ASIC2: variants seen among roughly 807,000 people sequenced by gnomAD.
ASIC2 encodes acid sensing ion channel subunit 2.
Under a neutral mutation model 57.3 loss-of-function variants are expected in ASIC2, and 25 were observed. The observed-to-expected ratio is 0.44, with a 90% CI of 0.32 to 0.61. The LOEUF is 0.61. ASIC2 is among the 20% of genes least tolerant of loss of function. The pLI is 0.06. For missense variants in ASIC2, 641 were observed against 738.1 expected (o/e 0.87, Z 1.52); for synonymous variants, 319 against 307.5 (o/e 1.04, Z -0.39).
At chr17:33,246,605 G>A (rs1908697965) in intron 1 of ASIC2, among the ~76,000 whole-genome samples, 3 of 152,314 alleles carry the variant, frequency 2.0e-5, no homozygotes, top group South Asian at 2.1e-4. Context: ...CTGCTCAGGA[G>A]GAAATAAGGA....
At chr17:33,376,019 G>A (rs1416282992) in intron 1 of ASIC2, among the ~76,000 whole-genome samples, 5 of 152,186 alleles carry the variant, frequency 3.3e-5, no homozygotes, top group South Asian at 2.1e-4. Flanking sequence ...AAGTTTATGA[G>A]TGTGGAGCTT....
intron 1 of ASIC2, among the ~76,000 whole-genome samples, chr17:33,763,941 G>A (rs1015434137): frequency 3.3e-5 from 5 of 152,160 alleles, no homozygotes; most frequent in Admixed American, 1.3e-4. Context: ...GATTTCCCCT[G>A]CATCAACTCC....
chr17:34,045,556 C>T (rs540973778), intron 1 of ASIC2, among the ~76,000 whole-genome samples: 1 of 152,246 alleles, frequency 6.6e-6, no homozygotes, highest in Admixed American at 6.5e-5. Flanking sequence ...AGGCTGCATC[C>T]CCACTGCTAC....
intron 1 of ASIC2, among the ~76,000 whole-genome samples, chr17:33,436,897 G>A (rs1911640103): frequency 2.7e-5 from 3 of 111,738 alleles, no homozygotes; most frequent in South Asian, 3.2e-4. Flanking sequence ...ACGGAGTCTC[G>A]CTCTGTCGCC....
chr17:33,283,793 G>A (rs771084762), intron 1 of ASIC2, among the ~76,000 whole-genome samples: 2 of 152,136 alleles, frequency 1.3e-5, no homozygotes, highest in Non-Finnish European at 2.9e-5. Flanking sequence ...AGATAGCAAC[G>A]TACATTATCA....
intron 1 of ASIC2, among the ~76,000 whole-genome samples, chr17:34,047,493 G>T (rs1908380420): frequency 9.7e-6 from 1 of 102,684 alleles, no homozygotes; most frequent in African/African-American, 3.9e-5. Flanking sequence ...TTAACATGAT[G>T]TACACCTTTC....
intron 1 of ASIC2, among the ~76,000 whole-genome samples, chr17:33,898,130 T>A (rs1483478493): frequency 6.6e-6 from 1 of 151,898 alleles, no homozygotes; most frequent in African/African-American, 2.4e-5. Flanking sequence ...GCTCTGCCCA[T>A]ATTTCTTTCT....
intron 1 of ASIC2, among the ~76,000 whole-genome samples, chr17:33,997,395 CG>C (rs1402517505): frequency 1.4e-5 from 2 of 143,756 alleles, no homozygotes; most frequent in Admixed American, 7.4e-5. Context: ...CTCAAGCGAT[CG>C]GCCAGCCTTG....
intron 1 of ASIC2, among the ~76,000 whole-genome samples, chr17:34,093,945 T>C (rs763939506): frequency 6.6e-6 from 1 of 152,120 alleles, no homozygotes; most frequent in Non-Finnish European, 1.5e-5. Context: ...CCTTACCCTG[T>C]AGAAGGCAGC....
chr17:33,868,962 G>A (rs968623560), intron 1 of ASIC2, among the ~76,000 whole-genome samples: 1 of 152,150 alleles, frequency 6.6e-6, no homozygotes, highest in African/African-American at 2.4e-5. Context: ...CTAACTGGGA[G>A]GCTGAGGTTG....
chr17:33,167,841 A>G (rs931287951), intron 1 of ASIC2, among the ~76,000 whole-genome samples: 1 of 152,212 alleles, frequency 6.6e-6, no homozygotes, highest in African/African-American at 2.4e-5. Flanking sequence ...GGGCCTTTCA[A>G]ATACCATTTC....
At chr17:33,851,507 A>T (rs1913763637) in intron 1 of ASIC2, among the ~76,000 whole-genome samples, 1 of 152,206 alleles carries the variant, frequency 6.6e-6, no homozygotes, top group Non-Finnish European at 1.5e-5. Flanking sequence ...CAAACAAACA[A>T]AAAAACAATC....
chr17:33,557,787 A>G (rs1206242049), intron 1 of ASIC2, among the ~76,000 whole-genome samples: 2 of 152,164 alleles, frequency 1.3e-5, no homozygotes, highest in Admixed American at 1.3e-4. Context: ...TCACTATATT[A>G]TACTAAATAT....
At chr17:33,791,101 C>T (rs1911756377) in intron 1 of ASIC2, among the ~76,000 whole-genome samples, 1 of 152,094 alleles carries the variant, frequency 6.6e-6, no homozygotes, top group Non-Finnish European at 1.5e-5. Context: ...GTGAGGGAAA[C>T]ACAAGCAGAT....
chr17:33,762,118 G>A (rs1020215609), intron 1 of ASIC2, among the ~76,000 whole-genome samples: 9 of 152,100 alleles, frequency 5.9e-5, no homozygotes, highest in Non-Finnish European at 5.9e-5. Flanking sequence ...AGACCCAAGC[G>A]AACTCAGCAG....
intron 1 of ASIC2, among the ~76,000 whole-genome samples, chr17:33,955,976 C>T (rs1904722208): frequency 1.3e-5 from 2 of 152,036 alleles, no homozygotes; most frequent in African/African-American, 2.4e-5. Flanking sequence ...TCTTGAGTGG[C>T]CATTGACTGA....
intron 4 of ASIC2, 34 bp downstream of exon 4, chr17:33,028,208 C>CA (rs759682653): frequency 2.0e-5 from 27 of 1,344,846 alleles, no homozygotes; most frequent in African/African-American, 3.3e-5. Flanking sequence ...AGGCAGATCC[C>CA]AGGGCCCTGT....
At chr17:34,020,650 C>A (rs1350139118) in intron 1 of ASIC2, among the ~76,000 whole-genome samples, 1 of 152,120 alleles carries the variant, frequency 6.6e-6, no homozygotes, top group Non-Finnish European at 1.5e-5. Flanking sequence ...GAGCAAAGCC[C>A]AGCTCCCAGC....
intron 1 of ASIC2, among the ~76,000 whole-genome samples, chr17:33,218,369 T>A (rs765802090): frequency 1.1e-4 from 17 of 152,302 alleles, no homozygotes; most frequent in Middle Eastern, 3.4e-3. Flanking sequence ...ACTGTTCTGC[T>A]CAGCTGACAG....
Sources: gnomAD v4.1 joint callset for allele counts (sites outside exome capture counted in the v4.1 genomes callset) on GRCh38, gnomAD v4.1.1 for gene constraint, MANE v1.5 for transcripts, NCBI Gene and HGNC (gene_info 2026-07-23, HGNC 2026-07-21) for gene names.